FANK1: variants seen among roughly 807,000 people sequenced by gnomAD.
The protein encoded by FANK1 is fibronectin type III and ankyrin repeat domains 1, also known as fibronectin type 3 and ankyrin repeat domains protein 1.
FANK1 carries 44 observed loss-of-function variants against 45.3 expected under a neutral mutation model. That is an observed-to-expected ratio of 0.97 (90% CI 0.76 to 1.25). The LOEUF (loss-of-function observed/expected upper bound fraction) is 1.25, where lower values mean the gene tolerates loss of function less well. Among genes scored for constraint, FANK1 ranks in the 50% most tolerant of loss-of-function variants. The probability of loss-of-function intolerance (pLI) is 0.00; values close to 1 mark genes in which losing one functional copy is unlikely to be tolerated. For synonymous variants in FANK1, 149 were observed against 152.5 expected, an observed-to-expected ratio of 0.98 and a Z score of 0.17; for missense variants, 391 against 424.4, an observed-to-expected ratio of 0.92 and a Z score of 0.69.
At chr10:125,899,676 T>C (rs112320065) in intron 1 of FANK1, among the ~76,000 whole-genome samples, 2 of 152,270 alleles carry the variant, frequency 1.3e-5, no homozygotes, top group African/African-American at 4.8e-5. Flanking sequence ...TATTTCCTAC[T>C]GTCAGCCATA....
chr10:125,969,124 T>C (rs2134187880), intron 1 of FANK1, among the ~76,000 whole-genome samples: 1 of 152,284 alleles, frequency 6.6e-6, no homozygotes, highest in Non-Finnish European at 1.5e-5. Context: ...TTTGAGAAAC[T>C]TTTAAAATAA....
intron 6 of FANK1, among the ~76,000 whole-genome samples, chr10:125,999,327 G>GCC (rs1438841620): frequency 3.3e-5 from 5 of 151,492 alleles, no homozygotes; most frequent in African/African-American, 1.2e-4. Flanking sequence ...AGCCTCCCAA[G>GCC]TAGCTGGAAC....
chr10:125,909,445 T>C (rs1945809522), intron 1 of FANK1, among the ~76,000 whole-genome samples: 2 of 152,140 alleles, frequency 1.3e-5, no homozygotes, highest in African/African-American at 2.4e-5. Flanking sequence ...ATTTCCATCA[T>C]TTTAATTTCA....
intron 1 of FANK1, 79 bp from the exon 2 acceptor site, chr10:125,980,082 A>G: frequency 6.9e-7 from 1 of 1,444,740 alleles, no homozygotes; most frequent in Non-Finnish European, 9.4e-7. Context: ...TCGATCACCA[A>G]GCAGCTGTAA....
chr10:126,007,963 G>A (rs907831099), intron 7 of FANK1, among the ~76,000 whole-genome samples: 9 of 152,296 alleles, frequency 5.9e-5, no homozygotes, highest in African/African-American at 2.2e-4. Context: ...TGGTTGTTCT[G>A]TATTTTACCT....
In FANK1 at chr10:126,009,074, T is replaced by G; in HGVS notation, c.870T>G (p.His290Gln). Reference sequence around the variant, plus strand: ...TCTAGGTGGCTGTGTTAAATAATCATGAAGAGTTAGTTCAGTTACTTCTTG... The same window carrying G: ...TCTAGGTGGCTGTGTTAAATAATCAGGAAGAGTTAGTTCAGTTACTTCTTG... ...TPLMVAVLNN[H>Q]EELVQLLLDK... The change falls in exon 9 of 11, where the codon CAT (histidine) becomes CAG (glutamine). Residue 290 changes from histidine (H) to glutamine (Q), a missense_variant. Coordinates refer to ENST00000368693, the MANE Select transcript of FANK1 (RefSeq NM_145235.5). 5 of 1,614,178 alleles carry G rather than the reference T, an allele frequency of 3.1e-6. No homozygotes were observed. Among genetic ancestry groups the G allele is most frequent in the Non-Finnish European group, 4.2e-6 (5 of 1,180,034 alleles).
chr10:125,976,705 C>G (rs1222588444), intron 1 of FANK1, among the ~76,000 whole-genome samples: 1 of 152,038 alleles, frequency 6.6e-6, no homozygotes, highest in East Asian at 1.9e-4. Context: ...TCACTGCAGT[C>G]TCTGCCTCCC....
chr10:125,998,097 A>G (rs1398976528), intron 6 of FANK1, among the ~76,000 whole-genome samples: 4 of 152,202 alleles, frequency 2.6e-5, no homozygotes, highest in Non-Finnish European at 4.4e-5. Flanking sequence ...ATAAATTCCA[A>G]CTAACCCATG....
At chr10:125,971,768 C>A (rs1420097578) in intron 1 of FANK1, among the ~76,000 whole-genome samples, 1 of 152,024 alleles carries the variant, frequency 6.6e-6, no homozygotes, top group Non-Finnish European at 1.5e-5. Flanking sequence ...ACTACAGGTG[C>A]CCGCTACCAC....
intron 1 of FANK1, among the ~76,000 whole-genome samples, chr10:125,941,114 C>T (rs1427562394): frequency 1.3e-5 from 2 of 152,164 alleles, no homozygotes; most frequent in Non-Finnish European, 2.9e-5. Context: ...TAGGAAATAA[C>T]ATTTTCACAA....
Position 126,009,257 on chromosome 10 carries a change from TGACA to T in FANK1, c.969_972del (p.Gln324ValfsTer2), listed in dbSNP as rs780972622. The T allele has an allele frequency of 5.0e-6, 8 of 1,614,218 alleles. No homozygotes were observed. The highest frequency in any genetic ancestry group is 1.3e-5 in the African/African-American group (1 of 75,050). On this transcript the variant is annotated frameshift_variant, in exon 10 of 11. Coordinates refer to ENST00000368693, the MANE Select transcript of FANK1 (RefSeq NM_145235.5). LOFTEE classifies it high-confidence loss of function. Reference sequence around the variant, plus strand: ...GTGTCCTAGAAATGGCCAGAGTTTTTGACAGACAGGTTGGGATGCTCTTTCTGCC... The same window carrying T: ...GTGTCCTAGAAATGGCCAGAGTTTTTGACAGGTTGGGATGCTCTTTCTGCC...
At chr10:125,898,883 G>A (rs1168433721) in intron 1 of FANK1, among the ~76,000 whole-genome samples, 1 of 147,648 alleles carries the variant, frequency 6.8e-6, no homozygotes, top group Non-Finnish European at 1.5e-5. Flanking sequence ...TCACCATTTA[G>A]CTCAAGTTTT....
chr10:125,980,606 C>G, intron 2 of FANK1: 1 of 376,106 alleles, frequency 2.7e-6, no homozygotes. Context: ...GAGACAGACT[C>G]AAACAATAGC....
At chr10:125,952,632 A>C (rs112931595) in intron 1 of FANK1, among the ~76,000 whole-genome samples, 1 of 151,894 alleles carries the variant, frequency 6.6e-6, no homozygotes, top group Non-Finnish European at 1.5e-5. Context: ...TGTCATCTGG[A>C]TGAAAATGTT....
chr10:125,928,553 C>T (rs1947537294), intron 1 of FANK1, among the ~76,000 whole-genome samples: 7 of 152,106 alleles, frequency 4.6e-5, no homozygotes. Context: ...GCCTTTTTTC[C>T]CAGCTCCTAT....
chr10:126,009,152 G>T (rs1953464726), intron 9 of FANK1, 21 bp downstream of exon 9: 2 of 1,614,054 alleles, frequency 1.2e-6, no homozygotes, highest in Non-Finnish European at 1.7e-6. Flanking sequence ...CCATCTTTAT[G>T]TAAAGATTTT....
Position 125,983,534 on chromosome 10 carries a change from G to A in FANK1, c.191+3196G>A, listed in dbSNP as rs1951358267. 6.6e-6 allele frequency among the ~76,000 whole-genome samples: 1 copy of A among 152,198 alleles called. No homozygotes were observed. Among genetic ancestry groups the A allele is most frequent in the South Asian group, 2.1e-4 (1 of 4,824 alleles). On this transcript the variant is annotated intron_variant, in intron 2 of 10. Transcript: ENST00000368693. The surrounding 1 kb of genome is among the most constrained non-coding windows in gnomAD (Gnocchi z 4.3). ...GAGGGCCTGGGGTAGAGGTGGGGAA[G>A]TCTTCACCAAGAAGGTAGCTTCTGA... is the stretch of plus-strand genomic sequence containing the variant.
At chr10:126,002,673 C>T (rs10901510) in intron 6 of FANK1, among the ~76,000 whole-genome samples, 88,363 of 151,700 alleles carry the variant, frequency 0.58, 27,194 homozygotes, top group Non-Finnish European at 0.68. Flanking sequence ...AATATTTACA[C>T]ATTTAGAAAA....
chr10:125,945,419 C>T (rs914554430), intron 1 of FANK1, among the ~76,000 whole-genome samples: 55 of 152,296 alleles, frequency 3.6e-4, no homozygotes, highest in African/African-American at 1.3e-3. Context: ...CGAAGCAGGG[C>T]GAGGCATTGC....
Sources: gnomAD v4.1 joint callset for allele counts (sites outside exome capture counted in the v4.1 genomes callset) on GRCh38, gnomAD v4.1.1 for gene constraint, Gnocchi (gnomAD v3.1) non-coding constraint, MANE v1.5 for transcripts, NCBI Gene and HGNC (gene_info 2026-07-23, HGNC 2026-07-21) for gene names.